SERINC3: variants seen among roughly 807,000 people sequenced by gnomAD.
SERINC3 encodes the protein serine incorporator 3, also known as tumor differentially expressed protein 1.
A neutral mutation model predicts 52.1 loss-of-function variants in SERINC3; 22 were observed. That is an observed-to-expected ratio of 0.42 (90% CI 0.30 to 0.60). The LOEUF (loss-of-function observed/expected upper bound fraction) is 0.60. Ranked by LOEUF, SERINC3 falls within the 20% of genes least tolerant of loss-of-function variation. The pLI is 0.16. For missense variants in SERINC3, 564 were observed against 584.6 expected (o/e 0.96, Z 0.36); for synonymous variants, 226 against 212.7 (o/e 1.06, Z -0.54).
chr20:44,503,453 G>T (rs184643388), intron 8 of SERINC3, among the ~76,000 whole-genome samples: 1 of 152,200 alleles, frequency 6.6e-6, no homozygotes, highest in African/African-American at 2.4e-5. Context: ...TTCGAGACCA[G>T]CCTAGCCAAC....
chr20:44,513,612 G>A (rs982769905), intron 2 of SERINC3, among the ~76,000 whole-genome samples: 10 of 152,076 alleles, frequency 6.6e-5, no homozygotes, highest in Admixed American at 2.0e-4. Flanking sequence ...TAGATGCTTC[G>A]ACCTTTAACA....
At position 44,499,386 on chromosome 20, in the gene SERINC3, C is replaced by T. The variant is rs2064266063; in HGVS notation, c.*910G>A. On this transcript the variant is annotated 3_prime_UTR_variant, in exon 10 of 10. Transcript: ENST00000342374. ...CCGTAATTTTTAGAAGGAATAGGAG[C>T]ATCCTGACTAGAAGCGTGATAAAAC... 1 of 152,332 alleles carries T rather than the reference C, an allele frequency of 6.6e-6. No homozygotes were observed. Among genetic ancestry groups the T allele is most frequent in the Admixed American group, 6.5e-5 (1 of 15,272 alleles). 9.4% of individuals were successfully genotyped at this position (152,332 alleles called of 1,614,324 possible). A position where few individuals can be genotyped will look rare whatever the true frequency, so the allele number is the denominator to read the frequency against.
chr20:44,522,010 T>C lies in SERINC3; in HGVS notation c.-59A>G, dbSNP rs1301898690. 2.0e-6 allele frequency: 3 copies of C among 1,535,088 alleles called. No homozygotes were observed. The highest frequency in any genetic ancestry group is 2.4e-5 in the South Asian group (2 of 84,030). On this transcript the variant is annotated 5_prime_UTR_variant, in exon 1 of 10. Transcript: ENST00000342374. ...GGCTGCTTTCTAACACGGTGGTAAC[T>C]GCCAGCTGAGGTGACTCCCCAGAAA...
chr20:44,503,771 A>G, intron 8 of SERINC3, 44 bp downstream of exon 8: 1 of 1,429,156 alleles, frequency 7.0e-7, no homozygotes, highest in Non-Finnish European at 9.4e-7. Context: ...TCACTTTATT[A>G]TCAACCTCCA....
intron 1 of SERINC3, among the ~76,000 whole-genome samples, chr20:44,520,086 C>G (rs1049993129): frequency 6.6e-6 from 1 of 152,144 alleles, no homozygotes; most frequent in Non-Finnish European, 1.5e-5. Flanking sequence ...TGAATGCTGA[C>G]TACATAATGA....
intron 1 of SERINC3, among the ~76,000 whole-genome samples, chr20:44,515,999 C>CT (rs1024170719): frequency 2.6e-5 from 4 of 151,996 alleles, no homozygotes; most frequent in East Asian, 1.9e-4. Context: ...ACTTTACCTC[C>CT]TTTTTTTTAA....
intron 1 of SERINC3, among the ~76,000 whole-genome samples, chr20:44,518,245 G>T: frequency 6.8e-6 from 1 of 146,890 alleles, no homozygotes; most frequent in South Asian, 2.2e-4. Context: ...CAGATCACCT[G>T]AGGTCAGGAG....
chr20:44,500,239 G>A lies in SERINC3; in HGVS notation c.*57C>T. The A allele has an allele frequency of 6.4e-7, 1 of 1,561,596 alleles. No homozygotes were observed. The highest frequency in any genetic ancestry group is 8.7e-7 in the Non-Finnish European group (1 of 1,148,758). Reference sequence around the variant, plus strand: ...TTGAAACAAACTTAAAAGGTATATGGGTTTTCGGTGAAGGAGACCTTTGTG... The same window carrying A: ...TTGAAACAAACTTAAAAGGTATATGAGTTTTCGGTGAAGGAGACCTTTGTG... On this transcript the variant is annotated 3_prime_UTR_variant, in exon 10 of 10. Transcript: ENST00000342374.
intron 1 of SERINC3, among the ~76,000 whole-genome samples, chr20:44,521,128 G>A (rs2064413935): frequency 6.6e-6 from 1 of 152,246 alleles, no homozygotes; most frequent in South Asian, 2.1e-4. Context: ...AGTACAGCAG[G>A]AGAAACTGAG....
At position 44,503,924 on chromosome 20, in the gene SERINC3, A is replaced by C. The variant is rs1005667247; in HGVS notation, c.946T>G (p.Ser316Ala). 1.3e-5 allele frequency: 21 copies of C among 1,606,128 alleles called. No homozygotes were observed. The highest frequency in any genetic ancestry group is 1.8e-5 in the Non-Finnish European group (21 of 1,177,456). Residue 316 changes from serine to alanine, a missense_variant, in exon 8 of 10, where the codon TCA becomes GCA. Physicochemically the swap from Ser to Ala is moderately conservative, Grantham distance 99 (BLOSUM62 1). Coordinates refer to ENST00000342374, the MANE Select transcript of SERINC3 (RefSeq NM_006811.4). ...GTAGGGGTAGGGACCACAGCAGTTG[A>C]ATTTCCAGGAGCCAGGGTTGGTGCA... is the stretch of plus-strand genomic sequence containing the variant. Reference protein sequence around the residue: ...ITAPTLAPGNSTAVVPTPTPP... With the variant: ...ITAPTLAPGNATAVVPTPTPP...
In SERINC3 at chr20:44,512,805, T is replaced by C; in HGVS notation, c.391A>G (p.Asn131Asp). 1 of 1,567,390 alleles carries C rather than the reference T, an allele frequency of 6.4e-7. No individual in the cohort carries two copies. Residue 131 changes from asparagine (N) to aspartate (D), a missense_variant, in exon 3 of 10, where the codon AAT (asparagine) becomes GAT (aspartate). Physicochemically the swap from Asn to Asp is conservative, Grantham distance 23. Coordinates refer to ENST00000342374, the MANE Select transcript of SERINC3 (RefSeq NM_006811.4). ...TSKDLRAAVH[N>D]GFWFFKIAAL... ...TTAATCATAAATCTAACATACCCATTGTGTACTGCCGCTCGGAGATCTTTA... is the reference window on the plus strand; with the variant it reads ...TTAATCATAAATCTAACATACCCATCGTGTACTGCCGCTCGGAGATCTTTA...
chr20:44,517,089 C>T (rs2064385226), intron 1 of SERINC3, among the ~76,000 whole-genome samples: 1 of 151,996 alleles, frequency 6.6e-6, no homozygotes, highest in Non-Finnish European at 1.5e-5. Context: ...TGCTAACATT[C>T]TAAAAAAGTT....
rs574013533 is a variant in SERINC3, at chr20:44,519,337, C to T, written c.39+2576G>A. ...CTGTAATCCAAGCACTCTGGGAGGC[C>T]GGCGGATCACGAGGTCAGGAGATTG... is the stretch of plus-strand genomic sequence containing the variant. On this transcript the variant is annotated intron_variant, in intron 1 of 9. Coordinates refer to ENST00000342374, the MANE Select transcript of SERINC3 (RefSeq NM_006811.4). 183 of 702,550 alleles carry T rather than the reference C, an allele frequency of 2.6e-4. 2 individuals are homozygous for T. The African/African-American group carries it at 3.3e-3, about 13-fold the overall frequency. The allele number at this position is 702,550 out of a possible 1,614,324, so 43.5% of individuals were successfully genotyped here.
intron 1 of SERINC3, among the ~76,000 whole-genome samples, chr20:44,519,928 G>A (rs777969299): frequency 5.4e-4 from 82 of 152,282 alleles, no homozygotes; most frequent in Non-Finnish European, 4.6e-4. Flanking sequence ...CTTTTTGTAT[G>A]CTAATGAGAT....
At position 44,522,030 on chromosome 20, in the gene SERINC3, C is replaced by T. The variant is rs2064421238; in HGVS notation, c.-79G>A. ...GTAACTGCCAGCTGAGGTGACTCCC[C>T]AGAAACATGACGGTTTCTCAGGCCG... On this transcript the variant is annotated 5_prime_UTR_variant, in exon 1 of 10. Coordinates refer to ENST00000342374, the MANE Select transcript of SERINC3 (RefSeq NM_006811.4). 1 of 1,420,944 alleles carries T rather than the reference C, an allele frequency of 7.0e-7. No homozygotes were observed. 88.0% of individuals were successfully genotyped at this position (1,420,944 alleles called of 1,614,324 possible). A position where few individuals can be genotyped will look rare whatever the true frequency, so the allele number is the denominator to read the frequency against.
chr20:44,514,690 G>C (rs1344473646), intron 1 of SERINC3, among the ~76,000 whole-genome samples: 4 of 152,202 alleles, frequency 2.6e-5, no homozygotes, highest in Non-Finnish European at 5.9e-5. Context: ...GAACCCAGGA[G>C]GCGGAGCTCA....
chr20:44,507,224 C>A (rs6093989), intron 5 of SERINC3, among the ~76,000 whole-genome samples: 2 of 152,152 alleles, frequency 1.3e-5, no homozygotes, highest in African/African-American at 2.4e-5. Context: ...CCTGAATTAC[C>A]TGATTTGATT....
chr20:44,510,815 A>T (rs2064342616), intron 4 of SERINC3, among the ~76,000 whole-genome samples: 1 of 152,054 alleles, frequency 6.6e-6, no homozygotes, highest in Non-Finnish European at 1.5e-5. Flanking sequence ...TCTAAAATAT[A>T]TATATATATA....
intron 3 of SERINC3, 83 bp from the exon 4 acceptor site, chr20:44,511,451 A>G (rs1003451296): frequency 4.0e-5 from 33 of 830,786 alleles, no homozygotes; most frequent in Middle Eastern, 2.3e-4. Flanking sequence ...ATGCAAAAAT[A>G]ATAACTTAAT....
Sources: gnomAD v4.1 joint callset for allele counts (sites outside exome capture counted in the v4.1 genomes callset) on GRCh38, gnomAD v4.1.1 for gene constraint, MANE v1.5 for transcripts, NCBI Gene and HGNC (gene_info 2026-07-23, HGNC 2026-07-21) for gene names.